The following MPPED1 variants were observed in gnomAD, a reference collection of about 807,000 sequenced individuals.
MPPED1 encodes the protein metallophosphoesterase domain containing 1.
In MPPED1, 16 loss-of-function variants were observed where a neutral mutation model predicts 36.2. The observed-to-expected ratio is 0.44, with a 90% confidence interval of 0.30 to 0.67. The LOEUF (loss-of-function observed/expected upper bound fraction) is 0.67, where lower values mean the gene tolerates loss of function less well. MPPED1 is among the 30% of genes least tolerant of loss of function. MPPED1 has a pLI of 0.10. For synonymous variants in MPPED1, 199 were observed against 191.3 expected (o/e 1.04, Z -0.33); for missense variants, 307 against 453.4 (o/e 0.68, Z 2.93).
intron 4 of MPPED1, among the ~76,000 whole-genome samples, chr22:43,486,665 G>T (rs1364280017): frequency 6.6e-6 from 1 of 152,066 alleles, no homozygotes; most frequent in East Asian, 1.9e-4. Flanking sequence ...CCTTCATGGT[G>T]GTGGCCACCC....
chr22:43,415,225 C>CAAAAAAAAAAAAAAA (rs34357060), intron 1 of MPPED1, among the ~76,000 whole-genome samples: 2 of 49,414 alleles, frequency 4.0e-5, no homozygotes, highest in African/African-American at 8.2e-5. Context: ...ATGTCAAAAG[C>CAAAAAAAAAAAAAAA]AAAAAAAAAA....
intron 3 of MPPED1, among the ~76,000 whole-genome samples, chr22:43,447,308 G>C (rs73887313): frequency 4.5e-4 from 68 of 152,234 alleles, no homozygotes; most frequent in African/African-American, 1.6e-3. Context: ...AGAGGTGTTT[G>C]GATATGAAAC....
chr22:43,431,999 A>G (rs1009573457), intron 2 of MPPED1, among the ~76,000 whole-genome samples: 1 of 152,100 alleles, frequency 6.6e-6, no homozygotes, highest in East Asian at 1.9e-4. Flanking sequence ...TCAGAACCGC[A>G]CTGCTCTTGG....
At chr22:43,472,673 T>A (rs1305994225) in intron 3 of MPPED1, among the ~76,000 whole-genome samples, 1 of 152,206 alleles carries the variant, frequency 6.6e-6, no homozygotes, top group Non-Finnish European at 1.5e-5. Context: ...AGATTGGGAT[T>A]TTCTGCCTGT....
At chr22:43,477,479 G>A (rs954356832) in intron 4 of MPPED1, among the ~76,000 whole-genome samples, 2 of 152,210 alleles carry the variant, frequency 1.3e-5, no homozygotes, top group African/African-American at 4.8e-5. Context: ...CCCTCCCCTG[G>A]GAGGCTGGGT....
At chr22:43,500,286 A>G (rs866574165) in intron 5 of MPPED1, among the ~76,000 whole-genome samples, 43 of 23,542 alleles carry the variant, frequency 1.8e-3, no homozygotes, top group African/African-American at 3.7e-3. Context: ...GGCGGTGGTG[A>G]TGGGGGTGGT....
In MPPED1 at chr22:43,505,435, C is replaced by T. The variant is rs1280844527; in HGVS notation, c.863-63C>T. 4 of 1,465,808 alleles carry T rather than the reference C, an allele frequency of 2.7e-6. No homozygotes were observed. In the African/African-American group the frequency reaches 4.2e-5, roughly 15 times the overall value. The allele number at this position is 1,465,808 out of a possible 1,614,324, so 90.8% of individuals were successfully genotyped here. The stretch of plus-strand genomic sequence containing the variant: ...GGGGCTGAGTGCCCTATGACTGCCA[C>T]ACCCCCCTGGCCACCCTCACTACTC... On this transcript the variant is annotated intron_variant, in intron 6 of 6. Transcript: ENST00000443721.
chr22:43,466,045 T>C (rs1275015207), intron 3 of MPPED1, among the ~76,000 whole-genome samples: 1 of 152,250 alleles, frequency 6.6e-6, no homozygotes, highest in Non-Finnish European at 1.5e-5. Flanking sequence ...TGAAGTCATA[T>C]GTGCTCTGCA....
intron 4 of MPPED1, among the ~76,000 whole-genome samples, chr22:43,475,412 A>G (rs1234529289): frequency 1.5e-5 from 1 of 64,860 alleles, no homozygotes; most frequent in Non-Finnish European, 3.3e-5. Context: ...CTCCATACAA[A>G]AAAAGATGCA....
At chr22:43,457,816 A>T (rs913485676) in intron 3 of MPPED1, among the ~76,000 whole-genome samples, 4 of 152,150 alleles carry the variant, frequency 2.6e-5, no homozygotes, top group African/African-American at 9.7e-5. Context: ...CCCCTCCTTT[A>T]TGCTATTATT....
intron 3 of MPPED1, among the ~76,000 whole-genome samples, chr22:43,458,052 C>T (rs184713688): frequency 6.6e-6 from 1 of 152,256 alleles, no homozygotes; most frequent in East Asian, 1.9e-4. Context: ...ACATGCTGTA[C>T]AGGTTTGTAG....
At chr22:43,503,895 T>C (rs1410000155) in intron 6 of MPPED1, among the ~76,000 whole-genome samples, 1 of 152,082 alleles carries the variant, frequency 6.6e-6, no homozygotes, top group Non-Finnish European at 1.5e-5. Context: ...AACCACTCCC[T>C]TCCTCCCCCA....
At chr22:43,461,517 A>G (rs1025283117) in intron 3 of MPPED1, among the ~76,000 whole-genome samples, 14 of 152,182 alleles carry the variant, frequency 9.2e-5, no homozygotes, top group African/African-American at 3.4e-4. Flanking sequence ...TTTGTGGAGG[A>G]CCGTGTGCTC....
chr22:43,461,649 G>C (rs1331103635), intron 3 of MPPED1, among the ~76,000 whole-genome samples: 1 of 152,164 alleles, frequency 6.6e-6, no homozygotes, highest in Non-Finnish European at 1.5e-5. Context: ...GCTGCTCATA[G>C]CAAGAGAGAT....
chr22:43,422,379 G>A (rs1929304156), intron 1 of MPPED1, among the ~76,000 whole-genome samples: 1 of 152,182 alleles, frequency 6.6e-6, no homozygotes, highest in Non-Finnish European at 1.5e-5. Flanking sequence ...ACAAGAGCAT[G>A]GCCCCTGTGA....
Position 43,507,689 on chromosome 22 carries a change from A to AG in MPPED1, c.*2073_*2074insG, listed in dbSNP as rs1166114723. On this transcript the variant is annotated 3_prime_UTR_variant, in exon 7 of 7. Coordinates refer to ENST00000443721, the MANE Select transcript of MPPED1 (RefSeq NM_001044370.2). ...TTTTATGTGGAAAAGAAAAGTTATG[A>AG]AGGCAGCTGTTACTTTAAGAGAAAA... The AG allele has an allele frequency of 6.6e-6, 1 of 152,150 alleles. No individual in the cohort carries two copies. Among genetic ancestry groups the AG allele is most frequent in the Non-Finnish European group, 1.5e-5 (1 of 68,026 alleles). The allele number at this position is 152,150 out of a possible 1,614,324, so 9.4% of individuals were successfully genotyped here.
intron 5 of MPPED1, among the ~76,000 whole-genome samples, chr22:43,499,556 G>A (rs1208860801): frequency 1.4e-5 from 2 of 143,156 alleles, no homozygotes; most frequent in Non-Finnish European, 3.1e-5. Flanking sequence ...GGGTGGTGGT[G>A]GAGGTGGTGG....
At chr22:43,422,405 G>A (rs1929305252) in intron 1 of MPPED1, among the ~76,000 whole-genome samples, 1 of 152,214 alleles carries the variant, frequency 6.6e-6, no homozygotes, top group African/African-American at 2.4e-5. Context: ...AGGCCTCCAG[G>A]TGCAAGAGGC....
intron 3 of MPPED1, among the ~76,000 whole-genome samples, chr22:43,440,424 G>C (rs928301120): frequency 6.6e-6 from 1 of 152,172 alleles, no homozygotes; most frequent in African/African-American, 2.4e-5. Flanking sequence ...GCTGAGGGCA[G>C]GAGGGGAGGC....
Sources: gnomAD v4.1 joint callset for allele counts (sites outside exome capture counted in the v4.1 genomes callset) on GRCh38, gnomAD v4.1.1 for gene constraint, MANE v1.5 for transcripts, NCBI Gene and HGNC (gene_info 2026-07-23, HGNC 2026-07-21) for gene names.